Variants in CDIN1 observed in about 807,000 individuals in gnomAD.
The protein encoded by CDIN1 is CDAN1-interacting nuclease 1.
CDIN1 carries 33 observed loss-of-function variants against 45.3 expected under a neutral mutation model. That is an observed-to-expected ratio of 0.73 (90% confidence interval 0.55 to 0.97). CDIN1 has a LOEUF of 0.97. Among genes scored for constraint, CDIN1 ranks in the 50% least tolerant of loss-of-function variants. CDIN1 has a pLI of 0.00. For synonymous variants in CDIN1, 118 were observed against 124.4 expected, an observed-to-expected ratio of 0.95 and a Z score of 0.34; for missense variants, 303 against 339.4, an observed-to-expected ratio of 0.89 and a Z score of 0.84.
chr15:36,630,838 G>A (rs1315905890), intron 1 of CDIN1, among the ~76,000 whole-genome samples: 1 of 152,030 alleles, frequency 6.6e-6, no homozygotes, highest in Non-Finnish European at 1.5e-5. Context: ...GGAGAGAGAG[G>A]AAAGAAGGGA....
intron 8 of CDIN1, among the ~76,000 whole-genome samples, chr15:36,700,785 G>A (rs1595490158): frequency 6.6e-6 from 1 of 151,840 alleles, no homozygotes; most frequent in Non-Finnish European, 1.5e-5. Context: ...TTCTTTCCAA[G>A]GATAATTAAT....
chr15:36,663,512 T>A (rs1470790999), intron 5 of CDIN1, among the ~76,000 whole-genome samples: 1 of 152,128 alleles, frequency 6.6e-6, no homozygotes, highest in African/African-American at 2.4e-5. Context: ...GCTTTTGTTC[T>A]TGTAATAGTG....
intron 1 of CDIN1, among the ~76,000 whole-genome samples, chr15:36,624,560 C>T (rs146446374): frequency 2.0e-5 from 3 of 152,136 alleles, no homozygotes; most frequent in Non-Finnish European, 4.4e-5. Context: ...AACATGTCAT[C>T]TACTGAGGCT....
intron 10 of CDIN1, among the ~76,000 whole-genome samples, chr15:36,798,040 A>G (rs1450445957): frequency 6.6e-6 from 1 of 151,854 alleles, no homozygotes; most frequent in East Asian, 1.9e-4. Context: ...AAAAAAAAAA[A>G]AAAAAAATTA....
intron 10 of CDIN1, among the ~76,000 whole-genome samples, chr15:36,743,725 C>A (rs2044318224): frequency 6.6e-6 from 1 of 151,870 alleles, no homozygotes; most frequent in South Asian, 2.1e-4. Flanking sequence ...AACCCCATCT[C>A]TACAAATAAT....
At chr15:36,712,298 C>G (rs927451374) in intron 10 of CDIN1, among the ~76,000 whole-genome samples, 4 of 115,898 alleles carry the variant, frequency 3.5e-5, no homozygotes, top group Non-Finnish European at 1.6e-5. Context: ...TGGAGTCTCA[C>G]TCTGTCATCC....
chr15:36,781,214 C>T (rs958653874), intron 10 of CDIN1, among the ~76,000 whole-genome samples: 1 of 152,106 alleles, frequency 6.6e-6, no homozygotes. Context: ...TCAAGTTGTT[C>T]TTTTTGAGAG....
At chr15:36,766,703 C>G (rs543477969) in intron 10 of CDIN1, among the ~76,000 whole-genome samples, 14 of 152,228 alleles carry the variant, frequency 9.2e-5, no homozygotes, top group African/African-American at 3.4e-4. Flanking sequence ...TACCTATTGG[C>G]CATTTGTATG....
intron 1 of CDIN1, among the ~76,000 whole-genome samples, chr15:36,624,646 T>C (rs1250009451): frequency 6.6e-6 from 1 of 152,200 alleles, no homozygotes; most frequent in Non-Finnish European, 1.5e-5. Flanking sequence ...AAGGTACTTT[T>C]ATGCAAGTTT....
intron 1 of CDIN1, chr15:36,617,987 T>C: frequency 1.3e-6 from 1 of 780,130 alleles, no homozygotes; most frequent in Non-Finnish European, 2.4e-6. Context: ...TCAAGCACAG[T>C]ATGCCTCCCC....
intron 1 of CDIN1, among the ~76,000 whole-genome samples, chr15:36,637,213 CTG>C (rs1380616529): frequency 6.6e-6 from 1 of 152,150 alleles, no homozygotes; most frequent in African/African-American, 2.4e-5. Flanking sequence ...TAAAAACAAA[CTG>C]TGATCCCCTC....
chr15:36,685,227 A>G (rs1320596694), intron 5 of CDIN1, among the ~76,000 whole-genome samples: 2 of 149,998 alleles, frequency 1.3e-5, no homozygotes, highest in African/African-American at 4.9e-5. Context: ...AGTGCTGTAA[A>G]TTTCCCTCTA....
At chr15:36,702,428 T>C (rs1247419067) in intron 8 of CDIN1, among the ~76,000 whole-genome samples, 3 of 152,200 alleles carry the variant, frequency 2.0e-5, no homozygotes, top group Non-Finnish European at 4.4e-5. Flanking sequence ...TTTGTTTTCT[T>C]ATCGGCTGAA....
intron 10 of CDIN1, among the ~76,000 whole-genome samples, chr15:36,767,242 A>G (rs2141014631): frequency 6.6e-6 from 1 of 152,106 alleles, no homozygotes; most frequent in East Asian, 1.9e-4. Flanking sequence ...TTTCCTTCCA[A>G]ATGTGTTACG....
intron 10 of CDIN1, among the ~76,000 whole-genome samples, chr15:36,733,011 T>C (rs1407837009): frequency 6.6e-6 from 1 of 152,232 alleles, no homozygotes; most frequent in East Asian, 1.9e-4. Flanking sequence ...CAGAAACTTA[T>C]TAGCATACTT....
At chr15:36,599,564 G>A (rs932143560) in intron 1 of CDIN1, among the ~76,000 whole-genome samples, 2 of 152,080 alleles carry the variant, frequency 1.3e-5, no homozygotes, top group African/African-American at 2.4e-5. Flanking sequence ...TAAATTATTC[G>A]GTATAGGACA....
At chr15:36,690,985 A>G (rs1029697088) in intron 5 of CDIN1, among the ~76,000 whole-genome samples, 6 of 152,060 alleles carry the variant, frequency 3.9e-5, no homozygotes, top group Non-Finnish European at 7.4e-5. Context: ...CTCTTCTTCT[A>G]TAGCAGTTCC....
intron 5 of CDIN1, among the ~76,000 whole-genome samples, chr15:36,671,628 C>T (rs1566885926): frequency 6.6e-6 from 1 of 151,972 alleles, no homozygotes; most frequent in Non-Finnish European, 1.5e-5. Context: ...CAATTTAGAT[C>T]AAAATCGTTA....
chr15:36,657,454 A>G (rs1356168305), intron 4 of CDIN1, among the ~76,000 whole-genome samples: 1 of 152,168 alleles, frequency 6.6e-6, no homozygotes, highest in Non-Finnish European at 1.5e-5. Flanking sequence ...CATTCAGAAC[A>G]GTATAAATAT....
Sources: allele counts gnomAD v4.1 joint callset (sites outside exome capture counted in the v4.1 genomes callset), GRCh38; gene constraint gnomAD v4.1.1; transcripts MANE v1.5; gene names NCBI Gene and HGNC (gene_info 2026-07-23, HGNC 2026-07-21).